Variants in KCP observed in about 807,000 individuals in gnomAD.
The protein encoded by KCP is kielin cysteine rich BMP regulator, also known as kielin/chordin-like protein.
Under a neutral mutation model 212.7 loss-of-function variants are expected in KCP, and 194 were observed. The ratio of observed to expected loss-of-function variants is 0.91; its 90% CI spans 0.81 to 1.03. The LOEUF (loss-of-function observed/expected upper bound fraction) is 1.03. Among genes scored for constraint, KCP ranks in the 50% least tolerant of loss-of-function variants. The pLI, the probability that KCP is intolerant of heterozygous loss-of-function variation, is 0.00. For missense variants in KCP, 2,080 were observed against 2,162.5 expected (o/e 0.96, Z 0.76); for synonymous variants, 833 against 865.3 (o/e 0.96, Z 0.65).
chr7:128,880,677 G>A lies in KCP; in HGVS notation c.3558C>T (p.Ser1186=). The change falls in exon 33 of 40, where the codon TCC becomes TCT. Residue 1186 remains serine, a synonymous_variant. Transcript: ENST00000610776. ...GCACCTTCGCCCAGCCATGGGGGCA[G>A]GAGAGGGCCTGGCACTCCTCGAGGT... ...ECHLEECQAL[S]CPHGWAKVPQ... is the part of the protein sequence containing the mutation. The A allele has an allele frequency of 1.7e-6, 1 of 574,708 alleles. No homozygotes were observed. Among genetic ancestry groups the A allele is most frequent in the Non-Finnish European group, 2.8e-6 (1 of 361,076 alleles). 35.6% of individuals were successfully genotyped at this position (574,708 alleles called of 1,614,324 possible).
intron 16 of KCP, among the ~76,000 whole-genome samples, 191 bp from the exon 17 acceptor site, chr7:128,892,010 G>T (rs1794182725): frequency 6.6e-6 from 1 of 152,222 alleles, no homozygotes; most frequent in Admixed American, 6.5e-5. Flanking sequence ...TGCGCATTGG[G>T]GGTCATTCAC....
chr7:128,905,867 C>G (rs962550836), intron 5 of KCP, among the ~76,000 whole-genome samples: 2 of 152,046 alleles, frequency 1.3e-5, no homozygotes, highest in African/African-American at 4.8e-5. Context: ...CTCAAAGGAC[C>G]CATTGTCTGT....
rs185182463 is a variant in KCP, at chr7:128,896,718, C to T, written c.832-2425G>A. ...CCATCCTGGCCAACACGGTGAAACT[C>T]CGTCTCTACTAAAAATACAAAAATT... On this transcript the variant is annotated intron_variant, in intron 8 of 39. Coordinates refer to ENST00000610776, the MANE Select transcript of KCP (RefSeq NM_001366122.1). Among the ~76,000 whole-genome samples the T allele has an allele frequency of 3.3e-3, 497 of 152,070 alleles. 4 individuals carry two copies. The highest frequency in any genetic ancestry group is 0.011 in the African/African-American group (471 of 41,450).
rs1793488419 is a variant in KCP at position 128,883,978 on chromosome 7, C to G, written c.3244+24G>C. The G allele has an allele frequency of 3.9e-6, 6 of 1,544,470 alleles. No individual in the cohort carries two copies. In the South Asian group the frequency reaches 7.2e-5, roughly 19 times the overall value. ...TGGCAGCCCTAACCTCATATCTCAT[C>G]TACCCCCACATCCCTGGACTCACCG... On this transcript the variant is annotated intron_variant, in intron 29 of 39. Coordinates refer to ENST00000610776, the MANE Select transcript of KCP (RefSeq NM_001366122.1).
rs10565205 is a variant in KCP at position 128,908,251 on chromosome 7, G to GAAAAAGAAAGAAAGAAAGA, written c.219+174_219+175insTCTTTCTTTCTTTCTTTTT. Among the ~76,000 whole-genome samples, 39 of 101,276 alleles carry GAAAAAGAAAGAAAGAAAGA rather than the reference G, an allele frequency of 3.9e-4. 2 individuals are homozygous for GAAAAAGAAAGAAAGAAAGA. Among genetic ancestry groups the GAAAAAGAAAGAAAGAAAGA allele is most frequent in the African/African-American group, 1.5e-3 (38 of 25,842 alleles). 66.4% of individuals were successfully genotyped at this position (101,276 alleles called of 152,430 possible). On this transcript the variant is annotated intron_variant, in intron 2 of 39. Transcript: ENST00000610776. Reference sequence around the variant, plus strand: ...AGGAAAGAAGAAAGGAAGAAAGAAAGAAGAAAGAAAGAAAGAAAGAAAGAA... The same window carrying GAAAAAGAAAGAAAGAAAGA: ...AGGAAAGAAGAAAGGAAGAAAGAAAGAAAAAGAAAGAAAGAAAGAAAGAAAGAAAGAAAGAAAGAAAGAA...
At chr7:128,878,510 T>G (rs765301417) in intron 38 of KCP, 48 bp downstream of exon 38, 22 of 1,511,522 alleles carry the variant, frequency 1.5e-5, no homozygotes, top group Non-Finnish European at 2.0e-5. Context: ...AGACTCATGC[T>G]CAGCTGCGTC....
intron 20 of KCP, 30 bp from the exon 21 acceptor site, chr7:128,890,543 G>A (rs1367964410): frequency 1.3e-6 from 2 of 1,530,344 alleles, no homozygotes; most frequent in African/African-American, 1.4e-5. Flanking sequence ...CTGGGGGGCC[G>A]TGGGGACTAG....
At chr7:128,890,605 G>A (rs1585218985) in intron 20 of KCP, 92 bp from the exon 21 acceptor site, 4 of 1,078,530 alleles carry the variant, frequency 3.7e-6, no homozygotes, top group African/African-American at 1.6e-5. Flanking sequence ...GAGGACGGGT[G>A]TCGTGGGGGC....
At chr7:128,890,844 T>C in intron 20 of KCP, 61 bp downstream of exon 20, 2 of 1,163,568 alleles carry the variant, frequency 1.7e-6, no homozygotes, top group Non-Finnish European at 2.2e-6. Context: ...GGCAGGGCGC[T>C]CCGGGGCGGG....
At chr7:128,910,497 G>C in intron 1 of KCP, 104 bp downstream of exon 1, 1 of 1,108,134 alleles carries the variant, frequency 9.0e-7, no homozygotes, top group Non-Finnish European at 1.2e-6. Flanking sequence ...CTCAGGCAGG[G>C]CTAAGAGCAG....
chr7:128,903,897 C>G (rs997868526), intron 6 of KCP, 77 bp from the exon 7 acceptor site: 5 of 1,366,188 alleles, frequency 3.7e-6, no homozygotes, highest in Non-Finnish European at 5.1e-6. Flanking sequence ...TGGGCACCCT[C>G]GGAGGAGGGG....
chr7:128,880,729 C>A lies in KCP; in HGVS notation c.3514-8G>T. 2.4e-6 allele frequency: 1 copy of A among 422,500 alleles called. No individual in the cohort carries two copies. Among genetic ancestry groups the A allele is most frequent in the Non-Finnish European group, 4.2e-6 (1 of 240,294 alleles). 26.2% of individuals were successfully genotyped at this position (422,500 alleles called of 1,614,324 possible). On this transcript the variant is annotated splice_polypyrimidine_tract_variant and splice_region_variant and intron_variant, in intron 32 of 39. Transcript: ENST00000610776. ...GCACTCCACATGGCCCCGCTGAGGACAGACATCATTGTTCTGGGGTTTTCT... is the reference window on the plus strand; with the variant it reads ...GCACTCCACATGGCCCCGCTGAGGAAAGACATCATTGTTCTGGGGTTTTCT...
chr7:128,878,486 A>T, intron 38 of KCP, 72 bp downstream of exon 38: 1 of 1,453,092 alleles, frequency 6.9e-7, no homozygotes, highest in Non-Finnish European at 9.2e-7. Flanking sequence ...TTTCCATGCC[A>T]GAGGGTTGCT....
Position 128,876,952 on chromosome 7 carries a change from G to A in KCP, c.*91C>T, listed in dbSNP as rs984558011. ...GGCCCAGGCTCCAGTGTCCAGGCAG[G>A]GCATTCTCTCCATAGCCCTAACCAG... On this transcript the variant is annotated 3_prime_UTR_variant, in exon 40 of 40. Transcript: ENST00000610776. 4 of 1,433,270 alleles carry A rather than the reference G, an allele frequency of 2.8e-6. No individual in the cohort carries two copies. Among genetic ancestry groups the A allele is most frequent in the Non-Finnish European group, 3.7e-6 (4 of 1,079,932 alleles). 88.8% of individuals were successfully genotyped at this position (1,433,270 alleles called of 1,614,324 possible).
In KCP at chr7:128,893,267, AG is replaced by A; in HGVS notation, c.1237del (p.Leu413CysfsTer101). Reference protein sequence around the residue: ...EQECPVTPCALPASGRQLCPA... With the variant: ...EQECPVTPCAXPASGRQLCPA... The stretch of plus-strand genomic sequence containing the variant: ...GCAGAGCTGGCGGCCAGAGGCAGGC[AG>A]GGCACAGGGGGTGACTGGGCACTCC... On this transcript the variant is annotated frameshift_variant, in exon 13 of 40. Transcript: ENST00000610776. LOFTEE classifies it high-confidence loss of function. 1 of 1,551,362 alleles carries A rather than the reference AG, an allele frequency of 6.4e-7. No homozygotes were observed. The highest frequency in any genetic ancestry group is 1.2e-5 in the South Asian group (1 of 84,052).
chr7:128,909,863 T>C (rs1024519428), intron 1 of KCP, among the ~76,000 whole-genome samples: 1 of 152,180 alleles, frequency 6.6e-6, no homozygotes, highest in African/African-American at 2.4e-5. Flanking sequence ...GTCCCTCTAC[T>C]GGGGATCCTG....
In KCP at chr7:128,876,901, C is replaced by T. The variant is rs367592434; in HGVS notation, c.*142G>A. On this transcript the variant is annotated 3_prime_UTR_variant, in exon 40 of 40. Transcript: ENST00000610776. ...CTAGAGTTTACTGCTGGTGACTCAA[C>T]ATGGCGGGGGTCTTTGCAGGGCAGG... 28 of 967,222 alleles carry T rather than the reference C, an allele frequency of 2.9e-5. No homozygotes were observed. In the African/African-American group the frequency reaches 3.9e-4, roughly 14 times the overall value. The allele number at this position is 967,222 out of a possible 1,614,324, so 59.9% of individuals were successfully genotyped here. A position where few individuals can be genotyped will look rare whatever the true frequency, so the allele number is the denominator to read the frequency against.
chr7:128,877,101 C>A lies in KCP; in HGVS notation c.4829G>T (p.Gly1610Val). The stretch of plus-strand genomic sequence containing the variant: ...GGGCCGAGCACCAAGTGGCTGGTCT[C>A]CAGTGAGCAGGACTTGGGGGCAGGC... ...PEACPQVLLTGDQPLGARPSP... is the reference protein window; with the variant it reads ...PEACPQVLLTVDQPLGARPSP... The change falls in exon 40 of 40, where the codon GGA becomes GTA. Residue 1610 changes from glycine to valine, a missense_variant. By Grantham distance (109) the Gly-to-Val change is moderately radical. Transcript: ENST00000610776. 1 of 1,518,938 alleles carries A rather than the reference C, an allele frequency of 6.6e-7. No individual in the cohort carries two copies. The highest frequency in any genetic ancestry group is 8.8e-7 in the Non-Finnish European group (1 of 1,137,428). The allele number at this position is 1,518,938 out of a possible 1,614,324, so 94.1% of individuals were successfully genotyped here.
At position 128,894,271 on chromosome 7, in the gene KCP, T is replaced by C. The variant is rs752416043; in HGVS notation, c.854A>G (p.Gln285Arg). The change falls in exon 9 of 40, where the codon CAG becomes CGG. Residue 285 changes from glutamine to arginine, a missense_variant. Physicochemically the swap from Gln to Arg is conservative, Grantham distance 43. Transcript: ENST00000610776. ...RCLEGHIQCR[Q>R]RECASLCPYP... ...TGGACACAGGCTGGCACATTCTCGC[T>C]GGCGGCACTGGATGTGACCCTCCTG... The C allele has an allele frequency of 2.7e-5, 41 of 1,543,540 alleles. No homozygotes were observed. Among genetic ancestry groups the C allele is most frequent in the Non-Finnish European group, 3.2e-5 (37 of 1,141,636 alleles).
Sources: allele counts gnomAD v4.1 joint callset (sites outside exome capture counted in the v4.1 genomes callset), GRCh38; gene constraint gnomAD v4.1.1; transcripts MANE v1.5; gene names NCBI Gene and HGNC (gene_info 2026-07-23, HGNC 2026-07-21).